GMDS: variants seen among roughly 807,000 people sequenced by gnomAD.
The protein encoded by GMDS is GDP-mannose 4,6-dehydratase.
In GMDS, 20 loss-of-function variants were observed where a neutral mutation model predicts 49.9. The ratio of observed to expected loss-of-function variants is 0.40; its 90% CI spans 0.28 to 0.58. GMDS has a LOEUF of 0.58. GMDS is among the 20% of genes least tolerant of loss of function. The pLI, the probability that GMDS is intolerant of heterozygous loss-of-function variation, is 0.42. For missense variants in GMDS, 362 were observed against 481.4 expected, an observed-to-expected ratio of 0.75 and a Z score of 2.32; for synonymous variants, 177 against 178.6, an observed-to-expected ratio of 0.99 and a Z score of 0.07.
At chr6:2,161,096 C>G (rs1777375155) in intron 1 of GMDS, among the ~76,000 whole-genome samples, 1 of 151,774 alleles carries the variant, frequency 6.6e-6, no homozygotes, top group Non-Finnish European at 1.5e-5. Flanking sequence ...ACTGCAACCT[C>G]TGCCTCCCAG....
chr6:1,997,476 C>G lies in GMDS; in HGVS notation c.346-36510G>C, dbSNP rs148726879. Among the ~76,000 whole-genome samples, 938 of 147,040 alleles carry G rather than the reference C, an allele frequency of 6.4e-3. 8 individuals carry two copies. The highest frequency in any genetic ancestry group is 0.022 in the African/African-American group (879 of 39,216). Reference sequence around the variant, plus strand: ...TGAGCTGAGATCGCGCCACTGCACTCCAGCCTGGGAGACAGAGTGAGACTC... The same window carrying G: ...TGAGCTGAGATCGCGCCACTGCACTGCAGCCTGGGAGACAGAGTGAGACTC... On this transcript the variant is annotated intron_variant, in intron 4 of 10. Coordinates refer to ENST00000380815, the MANE Select transcript of GMDS (RefSeq NM_001500.4).
intron 7 of GMDS, among the ~76,000 whole-genome samples, chr6:1,892,046 GA>G (rs1399464265): frequency 6.6e-6 from 1 of 151,950 alleles, no homozygotes; most frequent in Non-Finnish European, 1.5e-5. Context: ...GTTCTCTTAA[GA>G]AAAAAACTAT....
intron 2 of GMDS, among the ~76,000 whole-genome samples, chr6:2,122,557 G>A (rs1457141340): frequency 2.0e-5 from 3 of 152,154 alleles, no homozygotes; most frequent in African/African-American, 7.2e-5. Flanking sequence ...TTCCAATGCA[G>A]CCAATTTGAA....
chr6:1,967,315 C>T (rs765082194), intron 4 of GMDS, among the ~76,000 whole-genome samples: 2 of 152,120 alleles, frequency 1.3e-5, no homozygotes, highest in Admixed American at 6.6e-5. Flanking sequence ...TCTCCCATGC[C>T]GGAAGCACGC....
chr6:1,997,258 A>C (rs182327204), intron 4 of GMDS, among the ~76,000 whole-genome samples: 238 of 152,064 alleles, frequency 1.6e-3, no homozygotes, highest in Middle Eastern at 3.4e-3. Flanking sequence ...GCCTGTAATC[A>C]CAGCACTTTG....
Position 1,909,719 on chromosome 6 carries a change from G to A in GMDS, c.771+20384C>T, listed in dbSNP as rs569585137. ...CTTCTGCTTACTCCTTCCACATGCAGGGACGGCATGGCTATGGCCCCATGG... is the reference window on the plus strand; with the variant it reads ...CTTCTGCTTACTCCTTCCACATGCAAGGACGGCATGGCTATGGCCCCATGG... On this transcript the variant is annotated intron_variant, in intron 7 of 10. Transcript: ENST00000380815. 1.4e-3 allele frequency among the ~76,000 whole-genome samples: 215 copies of A among 152,330 alleles called. 1 individual carries two copies. The highest frequency in any genetic ancestry group is 2.0e-3 in the Admixed American group (30 of 15,298).
chr6:1,895,153 T>C (rs549997595), intron 7 of GMDS, among the ~76,000 whole-genome samples: 19 of 152,260 alleles, frequency 1.2e-4, no homozygotes, highest in African/African-American at 4.6e-4. Context: ...GGCAACGAGT[T>C]TGGGGAGTGC....
At chr6:2,244,495 C>CACATATTTAGATTCAT (rs1446282941) in intron 1 of GMDS, among the ~76,000 whole-genome samples, 1 of 152,082 alleles carries the variant, frequency 6.6e-6, no homozygotes, top group Non-Finnish European at 1.5e-5. Flanking sequence ...ACTTCATGAC[C>CACATATTTAGATTCAT]ACTGAATCTA....
intron 9 of GMDS, among the ~76,000 whole-genome samples, chr6:1,717,290 G>A (rs1766209173): frequency 6.6e-6 from 1 of 152,234 alleles, no homozygotes; most frequent in African/African-American, 2.4e-5. Context: ...GACTATCAAA[G>A]TGACACTCAG....
At chr6:2,144,700 C>A (rs1284931394) in intron 1 of GMDS, among the ~76,000 whole-genome samples, 1 of 152,182 alleles carries the variant, frequency 6.6e-6, no homozygotes, top group Non-Finnish European at 1.5e-5. Context: ...CTCTTCCCAA[C>A]CACAATGGTT....
Position 1,750,972 on chromosome 6 carries a change from G to A in GMDS, c.772-8386C>T, listed in dbSNP as rs12529650. ...AGCCATCAGGAAGTTCAAATGCGGC[G>A]GAGCCCACCACAGCTTGGCAAAGCT... On this transcript the variant is annotated intron_variant, in intron 7 of 10. Coordinates refer to ENST00000380815, the MANE Select transcript of GMDS (RefSeq NM_001500.4). Among the ~76,000 whole-genome samples the A allele has an allele frequency of 2.2e-4, 34 of 152,172 alleles. No homozygotes were observed. In the South Asian group the frequency reaches 2.5e-3, roughly 11 times the overall value.
chr6:1,758,818 C>T (rs565170132), intron 7 of GMDS, among the ~76,000 whole-genome samples: 1 of 152,320 alleles, frequency 6.6e-6, no homozygotes, highest in South Asian at 2.1e-4. Flanking sequence ...CGCCTGTAAT[C>T]CCAGCACTTT....
At chr6:1,941,671 T>A (rs1412947366) in intron 6 of GMDS, among the ~76,000 whole-genome samples, 1 of 152,164 alleles carries the variant, frequency 6.6e-6, no homozygotes, top group Non-Finnish European at 1.5e-5. Flanking sequence ...CACTTCAAGA[T>A]GGGCATGAAA....
chr6:1,847,455 A>T (rs1757459884), intron 7 of GMDS, among the ~76,000 whole-genome samples: 1 of 152,232 alleles, frequency 6.6e-6, no homozygotes, highest in African/African-American at 2.4e-5. Flanking sequence ...AAGTAACAGA[A>T]GCCTATTCAG....
At chr6:1,817,241 G>A (rs1363191403) in intron 7 of GMDS, among the ~76,000 whole-genome samples, 2 of 151,764 alleles carry the variant, frequency 1.3e-5, no homozygotes, top group African/African-American at 4.8e-5. Context: ...TTGAAAAACA[G>A]ACTCGTCATA....
chr6:1,657,853 C>CAAAAAAA (rs757277370), intron 9 of GMDS, among the ~76,000 whole-genome samples: 199 of 63,158 alleles, frequency 3.2e-3, no homozygotes, highest in South Asian at 4.2e-3. Flanking sequence ...AGAACTCAAG[C>CAAAAAAA]AAAAAAAAAA....
chr6:1,766,470 G>A lies in GMDS; in HGVS notation c.772-23884C>T, dbSNP rs1255544956. 1.3e-5 allele frequency among the ~76,000 whole-genome samples: 2 copies of A among 152,274 alleles called. No individual in the cohort carries two copies. The highest frequency in any genetic ancestry group is 4.8e-5 in the African/African-American group (2 of 41,564). ...GAGAATCCTAATGGGAACCAATGAA[G>A]AAATGAGTATCATATTTATATATCT... On this transcript the variant is annotated intron_variant, in intron 7 of 10. Coordinates refer to ENST00000380815, the MANE Select transcript of GMDS (RefSeq NM_001500.4). The surrounding 1 kb of genome is among the most constrained non-coding windows in gnomAD (Gnocchi z 4.5).
intron 1 of GMDS, among the ~76,000 whole-genome samples, chr6:2,149,764 C>T (rs943701882): frequency 6.6e-6 from 1 of 152,142 alleles, no homozygotes; most frequent in Non-Finnish European, 1.5e-5. Context: ...CCTATTTGCT[C>T]GTCCCCAGAA....
At chr6:2,189,000 G>C (rs1271475914) in intron 1 of GMDS, among the ~76,000 whole-genome samples, 1 of 152,194 alleles carries the variant, frequency 6.6e-6, no homozygotes. Flanking sequence ...CTTGGCTGAA[G>C]AGCTGAACTC....
Sources: gnomAD v4.1 joint callset for allele counts (sites outside exome capture counted in the v4.1 genomes callset) on GRCh38, gnomAD v4.1.1 for gene constraint, Gnocchi (gnomAD v3.1) non-coding constraint, MANE v1.5 for transcripts, NCBI Gene and HGNC (gene_info 2026-07-23, HGNC 2026-07-21) for gene names.